The following CSMD1 variants were observed in gnomAD, a reference collection of about 807,000 sequenced individuals.
CSMD1 encodes CUB and sushi domain-containing protein 1.
Under a neutral mutation model 417.5 loss-of-function variants are expected in CSMD1, and 213 were observed. That is an observed-to-expected ratio of 0.51 (90% confidence interval 0.46 to 0.57). The LOEUF is 0.57. Ranked by LOEUF, CSMD1 falls within the 20% of genes least tolerant of loss-of-function variation. CSMD1 has a pLI of 0.00. For missense variants in CSMD1, 6,923 were observed against 4,529.7 expected (o/e 1.53, Z -15.17); for synonymous variants, 2,862 against 1,736.8 (o/e 1.65, Z -16.11).
intron 1 of CSMD1, among the ~76,000 whole-genome samples, chr8:4,828,148 A>G (rs999433179): frequency 1.3e-5 from 2 of 152,190 alleles, no homozygotes; most frequent in African/African-American, 4.8e-5. Context: ...CCACGAGGAA[A>G]TTCACTTCCA....
chr8:3,659,540 T>C (rs1798304463), intron 7 of CSMD1, among the ~76,000 whole-genome samples: 1 of 152,194 alleles, frequency 6.6e-6, no homozygotes, highest in Non-Finnish European at 1.5e-5. Context: ...GGGATGATCC[T>C]AGTTCTTTTT....
chr8:4,821,091 G>T (rs560571623), intron 1 of CSMD1, among the ~76,000 whole-genome samples: 2 of 152,150 alleles, frequency 1.3e-5, no homozygotes, highest in South Asian at 4.2e-4. Flanking sequence ...AGTGTAAAAA[G>T]ATACCAGATT....
intron 26 of CSMD1, among the ~76,000 whole-genome samples, chr8:3,251,814 C>G (rs1408119050): frequency 6.6e-6 from 1 of 152,222 alleles, no homozygotes; most frequent in East Asian, 1.9e-4. Flanking sequence ...GTATTTTATT[C>G]TCTTTGAAGC....
intron 5 of CSMD1, among the ~76,000 whole-genome samples, chr8:3,860,269 C>G (rs1392720527): frequency 1.3e-5 from 2 of 152,118 alleles, no homozygotes; most frequent in African/African-American, 4.8e-5. Context: ...TGTGAAGTTA[C>G]TGAGAACTCT....
At chr8:4,442,834 C>G (rs562583558) in intron 2 of CSMD1, among the ~76,000 whole-genome samples, 3 of 152,038 alleles carry the variant, frequency 2.0e-5, no homozygotes, top group Admixed American at 6.6e-5. Flanking sequence ...TGTAAGTTGC[C>G]TTTATTTACA....
intron 5 of CSMD1, among the ~76,000 whole-genome samples, chr8:3,953,430 CA>C (rs1303303806): frequency 1.3e-5 from 2 of 152,186 alleles, no homozygotes; most frequent in East Asian, 3.9e-4. Flanking sequence ...TGTTTCTACT[CA>C]AAAATTATTT....
At chr8:4,946,749 G>C (rs1184618398) in intron 1 of CSMD1, among the ~76,000 whole-genome samples, 1 of 152,126 alleles carries the variant, frequency 6.6e-6, no homozygotes, top group Non-Finnish European at 1.5e-5. Context: ...GCATCAGTAG[G>C]TTCAGTTATA....
At chr8:3,129,872 C>G (rs948998229) in intron 41 of CSMD1, among the ~76,000 whole-genome samples, 2 of 152,072 alleles carry the variant, frequency 1.3e-5, no homozygotes, top group Admixed American at 6.5e-5. Flanking sequence ...ACCTGTAATC[C>G]CAGCTATTCA....
intron 3 of CSMD1, among the ~76,000 whole-genome samples, chr8:4,180,118 A>T (rs1037125824): frequency 4.6e-5 from 7 of 152,166 alleles, no homozygotes; most frequent in African/African-American, 1.7e-4. Context: ...CTATGAAGAC[A>T]CATTCACACA....
At chr8:3,671,239 A>G (rs1799017670) in intron 7 of CSMD1, among the ~76,000 whole-genome samples, 1 of 141,838 alleles carries the variant, frequency 7.1e-6, no homozygotes, top group South Asian at 2.3e-4. Context: ...TGGGATATAT[A>G]TGTGTGGGAT....
At chr8:4,405,486 G>A (rs193162151) in intron 3 of CSMD1, among the ~76,000 whole-genome samples, 2 of 152,070 alleles carry the variant, frequency 1.3e-5, no homozygotes, top group East Asian at 3.9e-4. Flanking sequence ...AGAGTGAAGT[G>A]AAGTCAATGT....
chr8:4,117,690 G>T (rs956039881), intron 3 of CSMD1, among the ~76,000 whole-genome samples: 2 of 152,136 alleles, frequency 1.3e-5, no homozygotes, highest in African/African-American at 4.8e-5. Context: ...CCTGACACTG[G>T]CCTTCTCTAG....
At chr8:3,916,549 C>T (rs564469198) in intron 5 of CSMD1, among the ~76,000 whole-genome samples, 6 of 151,882 alleles carry the variant, frequency 4.0e-5, no homozygotes, top group East Asian at 1.9e-4. Flanking sequence ...ATTTAGTATC[C>T]GATTATGTAT....
At chr8:3,308,960 G>A (rs1169118297) in intron 23 of CSMD1, among the ~76,000 whole-genome samples, 2 of 151,932 alleles carry the variant, frequency 1.3e-5, no homozygotes, top group African/African-American at 4.8e-5. Context: ...CCTGACTTCA[G>A]GCAATCCACC....
chr8:3,401,652 T>C (rs142730085), intron 15 of CSMD1, among the ~76,000 whole-genome samples: 34 of 152,322 alleles, frequency 2.2e-4, no homozygotes, highest in African/African-American at 6.5e-4. Flanking sequence ...AAATGTGGCA[T>C]GTCTAGGTCT....
At chr8:4,487,190 A>G (rs1364156884) in intron 2 of CSMD1, among the ~76,000 whole-genome samples, 2 of 152,036 alleles carry the variant, frequency 1.3e-5, no homozygotes, top group Non-Finnish European at 2.9e-5. Flanking sequence ...TTATTATTAT[A>G]CTTTAAGTTT....
At chr8:3,683,974 G>C (rs183442259) in intron 7 of CSMD1, among the ~76,000 whole-genome samples, 2 of 151,772 alleles carry the variant, frequency 1.3e-5, no homozygotes, top group South Asian at 2.1e-4. Context: ...TCATGTGATT[G>C]AGAAGTATGA....
intron 1 of CSMD1, among the ~76,000 whole-genome samples, chr8:4,743,862 G>A (rs1053861922): frequency 1.3e-5 from 2 of 152,038 alleles, no homozygotes; most frequent in Non-Finnish European, 2.9e-5. Flanking sequence ...TTCTCTGTCC[G>A]TTCCCACTCA....
At chr8:3,632,561 T>G (rs1299898665) in intron 7 of CSMD1, among the ~76,000 whole-genome samples, 1 of 152,174 alleles carries the variant, frequency 6.6e-6, no homozygotes, top group Admixed American at 6.5e-5. Flanking sequence ...GGCTTCTTTT[T>G]TAAAAAATTG....
Sources: gnomAD v4.1 joint callset for allele counts (sites outside exome capture counted in the v4.1 genomes callset) on GRCh38, gnomAD v4.1.1 for gene constraint, MANE v1.5 for transcripts, NCBI Gene and HGNC (gene_info 2026-07-23, HGNC 2026-07-21) for gene names.